Variants in INPP5D observed in about 807,000 individuals in gnomAD.
INPP5D encodes inositol polyphosphate-5-phosphatase D, also known as phosphatidylinositol 3,4,5-trisphosphate 5-phosphatase 1.
A neutral mutation model predicts 122.9 loss-of-function variants in INPP5D; 33 were observed. That is an observed-to-expected ratio of 0.27 (90% CI 0.20 to 0.36). INPP5D has a LOEUF of 0.36. INPP5D is among the 10% of genes least tolerant of loss of function. The pLI, the probability that INPP5D is intolerant of heterozygous loss-of-function variation, is 1.00. For synonymous variants in INPP5D, 584 were observed against 576.2 expected (o/e 1.01, Z -0.19); for missense variants, 1,053 against 1,412.7 (o/e 0.75, Z 4.08).
chr2:233,175,122 G>A (rs904140753), intron 17 of INPP5D, among the ~76,000 whole-genome samples: 6 of 147,108 alleles, frequency 4.1e-5, no homozygotes, highest in Admixed American at 7.0e-5. Context: ...GGAGGCTGAG[G>A]CAGGAGAATC....
chr2:233,144,545 G>GTGA (rs1693703246), intron 6 of INPP5D, among the ~76,000 whole-genome samples: 14 of 110,208 alleles, frequency 1.3e-4, no homozygotes, highest in Non-Finnish European at 2.2e-4. Context: ...GGAGGTGGTG[G>GTGA]TGGTGATGGT....
intron 2 of INPP5D, among the ~76,000 whole-genome samples, chr2:233,111,364 AC>A (rs1692623380): frequency 6.6e-6 from 1 of 152,182 alleles, no homozygotes; most frequent in African/African-American, 2.4e-5. Context: ...ACACACACAC[AC>A]GCACACACAC....
At chr2:233,117,605 T>C (rs975555418) in intron 2 of INPP5D, among the ~76,000 whole-genome samples, 1 of 152,134 alleles carries the variant, frequency 6.6e-6, no homozygotes, top group African/African-American at 2.4e-5. Flanking sequence ...CCCAGGGTGG[T>C]AACTACTATG....
At chr2:233,138,649 T>C (rs7419666) in intron 5 of INPP5D, among the ~76,000 whole-genome samples, 55,653 of 152,092 alleles carry the variant, frequency 0.37, 11,672 homozygotes, top group Non-Finnish European at 0.46. Context: ...TCAAGAGCCG[T>C]AATCTCTGGT....
At chr2:233,198,695 A>T (rs969395799) in intron 25 of INPP5D, among the ~76,000 whole-genome samples, 1 of 152,250 alleles carries the variant, frequency 6.6e-6, no homozygotes, top group African/African-American at 2.4e-5. Context: ...TCACGCCTGT[A>T]ATCCCAGCAC....
chr2:233,204,775 C>CGTGT (rs1553598462), intron 26 of INPP5D, 58 bp downstream of exon 26: 20 of 1,416,124 alleles, frequency 1.4e-5, no homozygotes, highest in Non-Finnish European at 1.5e-5. Context: ...TGCGTGAGTG[C>CGTGT]GTATGTGTGT....
rs1282503788 is a variant in INPP5D at position 233,128,949 on chromosome 2, G to A, written c.525-1559G>A. 6.6e-6 allele frequency among the ~76,000 whole-genome samples: 1 copy of A among 152,150 alleles called. No homozygotes were observed. The highest frequency in any genetic ancestry group is 1.5e-5 in the Non-Finnish European group (1 of 68,030). Reference sequence around the variant, plus strand: ...TTATCCCAGCACTTTGGGAGCCTGAGGCAGTGGATCACCTGAGGTCAGCCT... The same window carrying A: ...TTATCCCAGCACTTTGGGAGCCTGAAGCAGTGGATCACCTGAGGTCAGCCT... On this transcript the variant is annotated intron_variant, in intron 4 of 26. Coordinates refer to ENST00000445964, the MANE Select transcript of INPP5D (RefSeq NM_001017915.3). This position sits in a 1 kb window ranked among gnomAD's most constrained non-coding sequence, Gnocchi z 4.5.
chr2:233,071,440 T>C (rs12621829), intron 1 of INPP5D, among the ~76,000 whole-genome samples: 1 of 152,234 alleles, frequency 6.6e-6, no homozygotes, highest in East Asian at 1.9e-4. Flanking sequence ...TTGTACTCTG[T>C]TCCATGTATA....
At chr2:233,154,309 C>T (rs36151663) in intron 9 of INPP5D, among the ~76,000 whole-genome samples, 77,397 of 151,972 alleles carry the variant, frequency 0.51, 20,366 homozygotes, top group East Asian at 0.67. Flanking sequence ...CCACCATGCC[C>T]GGCTAATTTT....
Position 233,164,420 on chromosome 2 carries a change from A to ACTGGGTGAG in INPP5D, c.1553_1555+6dup, listed in dbSNP as rs1445658797. On this transcript the variant is annotated inframe_insertion, in exon 13 of 27. Transcript: ENST00000445964. The surrounding 1 kb of genome is among the most constrained non-coding windows in gnomAD (Gnocchi z 4.3). Reference sequence around the variant, plus strand: ...ACGTGAAGACAGGCATTGCAAACACACTGGGTGAGCAGGGCGGGGACCCTG... The same window carrying ACTGGGTGAG: ...ACGTGAAGACAGGCATTGCAAACACACTGGGTGAGCTGGGTGAGCAGGGCGGGGACCCTG... 27 of 1,549,028 alleles carry ACTGGGTGAG rather than the reference A, an allele frequency of 1.7e-5. No homozygotes were observed. The highest frequency in any genetic ancestry group is 2.3e-5 in the Non-Finnish European group (26 of 1,145,298).
Position 233,204,530 on chromosome 2 carries a change from C to G in INPP5D, c.3380C>G (p.Ser1127Trp). Residue 1127 changes from serine (S) to tryptophan (W), a missense_variant, in exon 26 of 27, where the codon TCG (serine) becomes TGG (tryptophan). Ser to Trp is a radical substitution (Grantham distance 177, BLOSUM62 -3). Coordinates refer to ENST00000445964, the MANE Select transcript of INPP5D (RefSeq NM_001017915.3). The part of the protein sequence containing the change: ...PAKRPIKPSR[S>W]EINQQTPPTP... ...AAGAGGCCCATCAAGCCTTCCAGATCGGAAATCAACCAGCAGACCCCGCCC... is the reference window on the plus strand; with the variant it reads ...AAGAGGCCCATCAAGCCTTCCAGATGGGAAATCAACCAGCAGACCCCGCCC... 6.3e-7 allele frequency: 1 copy of G among 1,579,752 alleles called. No individual in the cohort carries two copies. The highest frequency in any genetic ancestry group is 8.6e-7 in the Non-Finnish European group (1 of 1,164,490).
chr2:233,107,219 C>T lies in INPP5D; in HGVS notation c.199-14888C>T, dbSNP rs186226966. On this transcript the variant is annotated intron_variant, in intron 2 of 26. Coordinates refer to ENST00000445964, the MANE Select transcript of INPP5D (RefSeq NM_001017915.3). Reference sequence around the variant, plus strand: ...TGCTGGTGGGTAGGCAGGGGGTAGGCAGGGACCCAGCCTGGGGAGGATGGC... The same window carrying T: ...TGCTGGTGGGTAGGCAGGGGGTAGGTAGGGACCCAGCCTGGGGAGGATGGC... Among the ~76,000 whole-genome samples, 31 of 152,242 alleles carry T rather than the reference C, an allele frequency of 2.0e-4. No individual in the cohort carries two copies. The East Asian group carries it at 4.8e-3, about 24-fold the overall frequency.
chr2:233,065,848 T>C (rs1383746064), intron 1 of INPP5D, among the ~76,000 whole-genome samples: 7 of 152,000 alleles, frequency 4.6e-5, no homozygotes, highest in Admixed American at 3.3e-4. Context: ...GGTTTCACCA[T>C]GTTGGCTAGG....
intron 4 of INPP5D, 51 bp from the exon 5 acceptor site, chr2:233,130,457 T>C: frequency 1.3e-6 from 2 of 1,591,678 alleles, no homozygotes; most frequent in Non-Finnish European, 1.7e-6. Context: ...TTGGTGATGG[T>C]GGCTAAAAGA....
chr2:233,169,137 A>T (rs1170788738), intron 13 of INPP5D, among the ~76,000 whole-genome samples, 168 bp from the exon 14 acceptor site: 1 of 150,960 alleles, frequency 6.6e-6, no homozygotes, highest in East Asian at 1.9e-4. Flanking sequence ...GCATTTTCTC[A>T]TCTCCCGCTC....
intron 3 of INPP5D, 90 bp from the exon 4 acceptor site, chr2:233,125,655 G>T (rs1186880244): frequency 1.8e-6 from 2 of 1,134,634 alleles, no homozygotes; most frequent in Non-Finnish European, 2.5e-6. Context: ...AATAACGTGG[G>T]TGTCGTGGCC....
chr2:233,121,148 T>C (rs1176138663), intron 2 of INPP5D, among the ~76,000 whole-genome samples: 8 of 148,578 alleles, frequency 5.4e-5, no homozygotes, highest in African/African-American at 2.0e-4. Context: ...TTTTTTTTTT[T>C]TGAGACAGGG....
In INPP5D at chr2:233,122,089, T is replaced by C; in HGVS notation, c.199-18T>C. 1 of 1,613,034 alleles carries C rather than the reference T, an allele frequency of 6.2e-7. No individual in the cohort carries two copies. The highest frequency in any genetic ancestry group is 8.5e-7 in the Non-Finnish European group (1 of 1,179,150). ...TAGTTGGTTAACATGTGCGTTTGTT[T>C]GGATGTTCTGTCCTCAGGCATCCGA... On this transcript the variant is annotated intron_variant, in intron 2 of 26. Transcript: ENST00000445964.
rs113154043 is a variant in INPP5D at position 233,196,273 on chromosome 2, G to A, written c.2693+778G>A. Among the ~76,000 whole-genome samples the A allele has an allele frequency of 9.8e-3, 1,489 of 152,296 alleles. 24 individuals are homozygous for A. Among genetic ancestry groups the A allele is most frequent in the African/African-American group, 0.034 (1,413 of 41,546 alleles). On this transcript the variant is annotated intron_variant, in intron 24 of 26. Transcript: ENST00000445964. ...TGCCTCCTCTGCGAGTCTGTTGACC[G>A]CTGGAGAGGTTGATGTGACTGTGAC... is the stretch of plus-strand genomic sequence containing the variant.
Sources: allele counts gnomAD v4.1 joint callset (sites outside exome capture counted in the v4.1 genomes callset), GRCh38; gene constraint gnomAD v4.1.1; non-coding constraint Gnocchi (gnomAD v3.1); transcripts MANE v1.5; gene names NCBI Gene and HGNC (gene_info 2026-07-23, HGNC 2026-07-21).